Variants in SMYD3 observed in about 807,000 individuals in gnomAD.
The protein encoded by SMYD3 is SET and MYND domain containing 3.
Under a neutral mutation model 57.7 loss-of-function variants are expected in SMYD3, and 36 were observed. That is an observed-to-expected ratio of 0.62 (90% CI 0.48 to 0.82). SMYD3 has a LOEUF of 0.82. SMYD3 is among the 40% of genes least tolerant of loss of function. The pLI, the probability that SMYD3 is intolerant of heterozygous loss-of-function variation, is 0.00. For synonymous variants in SMYD3, 211 were observed against 195.0 expected, an observed-to-expected ratio of 1.08 and a Z score of -0.68; for missense variants, 515 against 538.8, an observed-to-expected ratio of 0.96 and a Z score of 0.44.
chr1:246,255,977 G>C (rs1457842633), intron 5 of SMYD3, among the ~76,000 whole-genome samples: 2 of 149,196 alleles, frequency 1.3e-5, no homozygotes, highest in African/African-American at 5.0e-5. Context: ...TAGATAGATA[G>C]ATAGATAGAT....
At chr1:246,345,488 C>T (rs749650601) in intron 2 of SMYD3, among the ~76,000 whole-genome samples, 2 of 152,070 alleles carry the variant, frequency 1.3e-5, no homozygotes, top group African/African-American at 2.4e-5. Flanking sequence ...GAAATGTTTG[C>T]GTTATACTTA....
intron 1 of SMYD3, among the ~76,000 whole-genome samples, chr1:246,383,438 T>A (rs758881983): frequency 1.1e-4 from 17 of 152,152 alleles, no homozygotes; most frequent in Non-Finnish European, 2.1e-4. Context: ...AGAATCTACA[T>A]CTTAATCAAA....
intron 5 of SMYD3, among the ~76,000 whole-genome samples, chr1:246,100,211 T>C (rs575982835): frequency 2.0e-5 from 3 of 152,156 alleles, no homozygotes; most frequent in South Asian, 4.1e-4. Context: ...CTTCAACGCA[T>C]TAAAACAAAA....
At chr1:246,274,065 C>A (rs1003269750) in intron 5 of SMYD3, among the ~76,000 whole-genome samples, 1 of 152,134 alleles carries the variant, frequency 6.6e-6, no homozygotes, top group East Asian at 1.9e-4. Context: ...ACCTATCGAT[C>A]ATGTCATACT....
intron 5 of SMYD3, among the ~76,000 whole-genome samples, chr1:246,000,973 T>C (rs1011659048): frequency 6.6e-6 from 1 of 152,134 alleles, no homozygotes; most frequent in Non-Finnish European, 1.5e-5. Flanking sequence ...CGAGTAAGGT[T>C]TTCCTTAATT....
intron 5 of SMYD3, among the ~76,000 whole-genome samples, chr1:245,969,001 C>T (rs1465601200): frequency 1.3e-5 from 2 of 152,136 alleles, no homozygotes; most frequent in Non-Finnish European, 1.5e-5. Context: ...CCACTGTGTC[C>T]TGTGGAGGCA....
intron 5 of SMYD3, among the ~76,000 whole-genome samples, chr1:246,230,985 G>C (rs149299727): frequency 1.4e-3 from 219 of 152,264 alleles, no homozygotes; most frequent in African/African-American, 4.9e-3. Context: ...AACTTTGACA[G>C]AACTATTTAT....
intron 5 of SMYD3, among the ~76,000 whole-genome samples, chr1:246,074,706 G>A (rs542836955): frequency 2.2e-4 from 34 of 152,170 alleles, no homozygotes; most frequent in Non-Finnish European, 4.7e-4. Context: ...AAAGGAAAGT[G>A]ACAGGAAAAA....
intron 5 of SMYD3, among the ~76,000 whole-genome samples, chr1:246,002,023 T>C (rs1353156642): frequency 6.6e-6 from 1 of 152,120 alleles, no homozygotes; most frequent in Non-Finnish European, 1.5e-5. Context: ...ACCACTGTAA[T>C]TGCAGAGTCC....
intron 5 of SMYD3, among the ~76,000 whole-genome samples, chr1:246,180,783 A>C (rs1231111571): frequency 2.2e-4 from 33 of 147,928 alleles, no homozygotes; most frequent in East Asian, 4.0e-4. Flanking sequence ...AAAAAAAAAA[A>C]AAAAAAAAAA....
chr1:245,882,769 C>A (rs972569818), intron 8 of SMYD3, among the ~76,000 whole-genome samples: 1 of 152,044 alleles, frequency 6.6e-6, no homozygotes, highest in African/African-American at 2.4e-5. Context: ...TGACACAAAA[C>A]GTTTAAATTA....
intron 8 of SMYD3, among the ~76,000 whole-genome samples, chr1:245,894,753 A>G (rs911010608): frequency 6.6e-6 from 1 of 152,208 alleles, no homozygotes; most frequent in African/African-American, 2.4e-5. Flanking sequence ...GGTACACAAG[A>G]ACACATACTC....
At chr1:246,486,549 C>G (rs2068190785) in intron 1 of SMYD3, among the ~76,000 whole-genome samples, 1 of 152,126 alleles carries the variant, frequency 6.6e-6, no homozygotes, top group African/African-American at 2.4e-5. Context: ...GTCATTTGCT[C>G]TTCACTAAAA....
intron 11 of SMYD3, among the ~76,000 whole-genome samples, chr1:245,753,963 A>G (rs1223733677): frequency 7.2e-5 from 11 of 152,136 alleles, no homozygotes; most frequent in Admixed American, 3.3e-4. Context: ...ATTTTTTTTA[A>G]TGGTAGCATT....
chr1:245,976,977 G>GGCCTAGGGAAAGCCATCGTCTCTA (rs2058451414), intron 5 of SMYD3, among the ~76,000 whole-genome samples: 1 of 9,992 alleles, frequency 1.0e-4, no homozygotes, highest in Non-Finnish European at 2.3e-4. Flanking sequence ...CATCGTCTCC[G>GGCCTAGGGAAAGCCATCGTCTCTA]GCCCAGGGAA....
At chr1:245,797,897 T>C (rs2047618970) in intron 10 of SMYD3, among the ~76,000 whole-genome samples, 1 of 151,034 alleles carries the variant, frequency 6.6e-6, no homozygotes, top group South Asian at 2.1e-4. Context: ...CTGCTTCTTA[T>C]GTGTTCTAGG....
intron 1 of SMYD3, among the ~76,000 whole-genome samples, chr1:246,393,192 T>C (rs1272377021): frequency 6.6e-6 from 1 of 152,138 alleles, no homozygotes; most frequent in East Asian, 1.9e-4. Flanking sequence ...TGAGACTATG[T>C]TAAAAAAAAT....
intron 5 of SMYD3, among the ~76,000 whole-genome samples, chr1:246,292,109 C>A (rs1407598767): frequency 6.8e-6 from 1 of 146,370 alleles, no homozygotes; most frequent in Non-Finnish European, 1.5e-5. Flanking sequence ...AACACACAAG[C>A]ATCTTAGACT....
At chr1:245,929,049 G>A (rs1267867028) in intron 6 of SMYD3, among the ~76,000 whole-genome samples, 3 of 152,288 alleles carry the variant, frequency 2.0e-5, no homozygotes, top group Admixed American at 6.5e-5. Flanking sequence ...AATCTTATGA[G>A]GATCATTTAC....
Sources: allele counts gnomAD v4.1 joint callset (sites outside exome capture counted in the v4.1 genomes callset), GRCh38; gene constraint gnomAD v4.1.1; transcripts MANE v1.5; gene names NCBI Gene and HGNC (gene_info 2026-07-23, HGNC 2026-07-21).